Variants in SUCLG1 observed in about 807,000 individuals in gnomAD.
SUCLG1 encodes the protein succinate--CoA ligase [ADP/GDP-forming] subunit alpha, mitochondrial.
Under a neutral mutation model 37.3 loss-of-function variants are expected in SUCLG1, and 26 were observed. The ratio of observed to expected loss-of-function variants is 0.70; its 90% CI spans 0.51 to 0.97. The LOEUF is 0.97. SUCLG1 is among the 50% of genes least tolerant of loss of function. The probability of loss-of-function intolerance (pLI) is 0.00; values close to 1 mark genes in which losing one functional copy is unlikely to be tolerated. For missense variants in SUCLG1, 433 were observed against 432.9 expected (o/e 1.00, Z 0.00); for synonymous variants, 163 against 155.6 (o/e 1.05, Z -0.36).
chr2:84,446,703 G>A (rs1672857843), intron 2 of SUCLG1, among the ~76,000 whole-genome samples: 2 of 151,882 alleles, frequency 1.3e-5, no homozygotes, highest in Non-Finnish European at 2.9e-5. Flanking sequence ...AAAAAAGGAA[G>A]GAAGGAAGGG....
At chr2:84,458,829 C>T (rs943292206) in intron 1 of SUCLG1, among the ~76,000 whole-genome samples, 2 of 152,202 alleles carry the variant, frequency 1.3e-5, no homozygotes, top group Non-Finnish European at 2.9e-5. Flanking sequence ...CTCTTCATCC[C>T]CAACTCCAAA....
intron 3 of SUCLG1, among the ~76,000 whole-genome samples, chr2:84,442,500 A>T (rs1403081785): frequency 6.6e-6 from 1 of 152,172 alleles, no homozygotes; most frequent in Non-Finnish European, 1.5e-5. Flanking sequence ...ATATTCATAT[A>T]AGAGTCAAAA....
intron 1 of SUCLG1, among the ~76,000 whole-genome samples, chr2:84,453,529 C>A (rs374351792): frequency 2.4e-4 from 37 of 152,096 alleles, no homozygotes; most frequent in African/African-American, 8.9e-4. Context: ...ATTCTCCTGC[C>A]TCAGCCTCCT....
chr2:84,459,080 C>T, intron 1 of SUCLG1, 93 bp downstream of exon 1: 1 of 1,341,756 alleles, frequency 7.5e-7, no homozygotes, highest in East Asian at 2.6e-5. Flanking sequence ...GAGGTCCAGC[C>T]CTGAGGGCCC....
At chr2:84,428,182 C>G (rs1236427975) in intron 7 of SUCLG1, among the ~76,000 whole-genome samples, 3 of 152,282 alleles carry the variant, frequency 2.0e-5, no homozygotes, top group South Asian at 2.1e-4. Flanking sequence ...CTTTTAAGAT[C>G]TGACTCTAGC....
chr2:84,439,621 C>T (rs1483187444), intron 5 of SUCLG1, among the ~76,000 whole-genome samples: 1 of 152,124 alleles, frequency 6.6e-6, no homozygotes, highest in Admixed American at 6.6e-5. Flanking sequence ...GATCTTTAAC[C>T]CAATTCTGTA....
Position 84,449,986 on chromosome 2 carries a change from C to T in SUCLG1, c.98-234G>A, listed in dbSNP as rs1181943114. On this transcript the variant is annotated intron_variant, in intron 1 of 8. Transcript: ENST00000393868. Reference sequence around the variant, plus strand: ...AGGATCCTCTCTTTATCAAGAACCACGATCTTGTAGTTTTTTCCTGAACTG... The same window carrying T: ...AGGATCCTCTCTTTATCAAGAACCATGATCTTGTAGTTTTTTCCTGAACTG... 4.6e-5 allele frequency among the ~76,000 whole-genome samples: 7 copies of T among 151,958 alleles called. No homozygotes were observed. The South Asian group carries it at 6.2e-4, about 14-fold the overall frequency.
At chr2:84,442,614 G>A (rs936068087) in intron 3 of SUCLG1, among the ~76,000 whole-genome samples, 22 of 152,090 alleles carry the variant, frequency 1.4e-4, no homozygotes, top group African/African-American at 2.2e-4. Flanking sequence ...TTTTTGTATC[G>A]TCTGAATTTT....
At chr2:84,437,449 C>T (rs1368188502) in intron 5 of SUCLG1, among the ~76,000 whole-genome samples, 5 of 152,308 alleles carry the variant, frequency 3.3e-5, no homozygotes, top group Non-Finnish European at 5.9e-5. Flanking sequence ...TAATCAATAT[C>T]ATTAGCCATT....
chr2:84,442,872 C>T (rs1672795613), intron 3 of SUCLG1, among the ~76,000 whole-genome samples: 1 of 152,150 alleles, frequency 6.6e-6, no homozygotes, highest in African/African-American at 2.4e-5. Context: ...ACATCGTTAT[C>T]TTTAAAATGA....
At chr2:84,431,200 C>A (rs932217647) in intron 7 of SUCLG1, among the ~76,000 whole-genome samples, 1 of 152,122 alleles carries the variant, frequency 6.6e-6, no homozygotes, top group Non-Finnish European at 1.5e-5. Flanking sequence ...CAGGTGAAAA[C>A]CAAGTCTGCA....
intron 2 of SUCLG1, among the ~76,000 whole-genome samples, chr2:84,446,269 A>C (rs1672850596): frequency 6.6e-6 from 1 of 152,258 alleles, no homozygotes; most frequent in African/African-American, 2.4e-5. Flanking sequence ...TTTTGTTGAT[A>C]TATTCCCCAC....
chr2:84,431,710 G>A (rs1192157495), intron 6 of SUCLG1, 51 bp from the exon 7 acceptor site: 3 of 1,595,602 alleles, frequency 1.9e-6, no homozygotes, highest in Middle Eastern at 1.8e-4. Context: ...GTGAACCATG[G>A]AATTTAGGTC....
chr2:84,456,182 A>G lies in SUCLG1; in HGVS notation c.97+2991T>C, dbSNP rs72937151. ...CACTTGGCAAACACGGGGAAAAGGAAGGCAACACCTTTGAGCAGGATAGTC... is the reference window on the plus strand; with the variant it reads ...CACTTGGCAAACACGGGGAAAAGGAGGGCAACACCTTTGAGCAGGATAGTC... On this transcript the variant is annotated intron_variant, in intron 1 of 8. Transcript: ENST00000393868. 4.6e-3 allele frequency among the ~76,000 whole-genome samples: 701 copies of G among 152,302 alleles called. 5 individuals are homozygous for G. The highest frequency in any genetic ancestry group is 0.015 in the African/African-American group (641 of 41,544).
intron 6 of SUCLG1, 48 bp downstream of exon 6, chr2:84,433,304 A>G (rs561863252): frequency 3.4e-6 from 5 of 1,452,938 alleles, no homozygotes; most frequent in African/African-American, 1.4e-5. Flanking sequence ...TACTCATCCA[A>G]TGAAGACACC....
At position 84,453,283 on chromosome 2, in the gene SUCLG1, G is replaced by C. The variant is rs1056392302; in HGVS notation, c.98-3531C>G. Reference sequence around the variant, plus strand: ...GGAATTAACGTGAGCAACATGAAGAGCCAACAAAAAGTGGAGCCCAAAGCC... The same window carrying C: ...GGAATTAACGTGAGCAACATGAAGACCCAACAAAAAGTGGAGCCCAAAGCC... On this transcript the variant is annotated intron_variant, in intron 1 of 8. Transcript: ENST00000393868. Among the ~76,000 whole-genome samples the C allele has an allele frequency of 4.6e-4, 70 of 151,944 alleles. 1 individual carries two copies. Among genetic ancestry groups the C allele is most frequent in the African/African-American group, 1.7e-3 (69 of 41,348 alleles).
chr2:84,439,826 A>G (rs910615494), intron 5 of SUCLG1, among the ~76,000 whole-genome samples: 10 of 152,210 alleles, frequency 6.6e-5, no homozygotes, highest in African/African-American at 2.2e-4. Context: ...TCCTCAAGGA[A>G]CTAACCAAGT....
intron 6 of SUCLG1, among the ~76,000 whole-genome samples, chr2:84,432,133 AAGTGCCAGTG>A (rs1489765956): frequency 2.0e-5 from 3 of 152,198 alleles, no homozygotes; most frequent in East Asian, 1.9e-4. Context: ...TTTAAGACAC[AAGTGCCAGTG>A]AGTGACAGTG....
In SUCLG1 at chr2:84,441,350, A is replaced by C. The variant is rs149419193; in HGVS notation, c.428T>G (p.Ile143Ser). The C allele has an allele frequency of 5.6e-6, 9 of 1,613,988 alleles. No homozygotes were observed. The highest frequency in any genetic ancestry group is 6.8e-6 in the Non-Finnish European group (8 of 1,180,034). Residue 143 changes from isoleucine (I) to serine (S), a missense_variant, in exon 4 of 9, where the codon ATC (isoleucine) becomes AGC (serine). Ile to Ser is a moderately radical substitution (Grantham distance 142, BLOSUM62 -2). Transcript: ENST00000393868. ...IEAEIPLVVC[I>S]TEGIPQQDMV... ...GTCCTGCTGGGGAATTCCTTCAGTG[A>C]TACACACAACCAAGGGAATTTCTGC...
Sources: gnomAD v4.1 joint callset for allele counts (sites outside exome capture counted in the v4.1 genomes callset) on GRCh38, gnomAD v4.1.1 for gene constraint, MANE v1.5 for transcripts, NCBI Gene and HGNC (gene_info 2026-07-23, HGNC 2026-07-21) for gene names.